Variants in PER3 observed in about 807,000 individuals in gnomAD.
The protein encoded by PER3 is period circadian regulator 3.
PER3 carries 107 observed loss-of-function variants against 127.2 expected under a neutral mutation model. The observed-to-expected ratio is 0.84, with a 90% CI of 0.72 to 0.99. PER3 has a LOEUF of 0.99. PER3 is among the 50% of genes least tolerant of loss of function. The pLI is 0.00. For synonymous variants in PER3, 618 were observed against 585.8 expected (o/e 1.05, Z -0.79); for missense variants, 1,560 against 1,525.8 (o/e 1.02, Z -0.37).
chr1:7,820,019 T>G, intron 14 of PER3, 96 bp from the exon 15 acceptor site: 1 of 1,218,822 alleles, frequency 8.2e-7, no homozygotes, highest in Non-Finnish European at 1.2e-6. Flanking sequence ...AAGTACAAAG[T>G]ATGCCAAACA....
intron 13 of PER3, among the ~76,000 whole-genome samples, chr1:7,818,856 A>T (rs976708989): frequency 1.3e-5 from 2 of 152,254 alleles, no homozygotes; most frequent in African/African-American, 4.8e-5. Context: ...CACCTGGGAG[A>T]TGCTGTGTAC....
At chr1:7,790,621 A>G (rs934727574) in intron 5 of PER3, among the ~76,000 whole-genome samples, 3 of 152,180 alleles carry the variant, frequency 2.0e-5, no homozygotes, top group African/African-American at 7.2e-5. Flanking sequence ...CAGTCCCCCA[A>G]AGTCTTAGCT....
rs2097404710 is a variant in PER3 at position 7,845,165 on chromosome 1, A to C, written c.*2410A>C. On this transcript the variant is annotated 3_prime_UTR_variant, in exon 22 of 22. Coordinates refer to ENST00000377532, the MANE Select transcript of PER3 (RefSeq NM_001377275.1). ...TAAAAACAACAAATAAACTCTGTAC[A>C]TGTAAAACGTGAGAAATTGTCCTGC... The C allele has an allele frequency of 6.6e-6, 1 of 152,376 alleles. No individual in the cohort carries two copies. 9.4% of individuals were successfully genotyped at this position (152,376 alleles called of 1,614,324 possible).
intron 7 of PER3, among the ~76,000 whole-genome samples, chr1:7,799,693 C>T (rs971267294): frequency 4.6e-5 from 7 of 151,250 alleles, no homozygotes; most frequent in African/African-American, 1.5e-4. Context: ...AAATATGGCT[C>T]ATACCACAGG....
intron 4 of PER3, chr1:7,787,501 A>T (rs548859405): frequency 2.3e-5 from 10 of 432,700 alleles, no homozygotes; most frequent in African/African-American, 8.3e-5. Context: ...GGAGATTTTT[A>T]AAAATAGCTT....
chr1:7,790,925 G>C (rs1360563132), intron 5 of PER3, among the ~76,000 whole-genome samples: 2 of 152,236 alleles, frequency 1.3e-5, no homozygotes, highest in Non-Finnish European at 2.9e-5. Context: ...TGCAAGAGGT[G>C]GGCTCCTACA....
chr1:7,827,406 G>T lies in PER3; in HGVS notation c.2477G>T (p.Gly826Val). 1.9e-6 allele frequency: 3 copies of T among 1,614,158 alleles called. No homozygotes were observed. The South Asian group carries it at 3.3e-5, about 18-fold the overall frequency. ...CCCGGAAGAGAATACGCAGCCCCCG[G>T]AACTGCACCGGAAGGCCTGCATGGG... ...TSPGREYAAP[G>V]TAPEGLHGLP... Residue 826 changes from glycine (G) to valine (V), a missense_variant, in exon 18 of 22, where the codon GGA (glycine) becomes GTA (valine). This residue lies in a region of PER3 where 1,332 missense variants were observed against 1,223.6 expected (regional missense o/e 1.09). Transcript: ENST00000377532.
Position 7,784,382 on chromosome 1 carries a change from T to TTA in PER3, c.-225+6_-225+7insTA, listed in dbSNP as rs1558365881. On this transcript the variant is annotated splice_region_variant and intron_variant, in intron 1 of 21. Transcript: ENST00000377532. The stretch of plus-strand genomic sequence containing the variant: ...GCCAAGGGCGGGGGCAGCAGGTGAG[T>TTA]GCGCGGCCGGGCGGGAGTTCTGGGC... The TTA allele has an allele frequency of 7.3e-5, 11 of 151,518 alleles. 1 individual carries two copies. The highest frequency in any genetic ancestry group is 2.0e-4 in the East Asian group (1 of 5,122). The allele number at this position is 151,518 out of a possible 1,614,324, so 9.4% of individuals were successfully genotyped here. A position where few individuals can be genotyped will look rare whatever the true frequency, so the allele number is the denominator to read the frequency against.
chr1:7,820,421 C>T (rs769720695), intron 15 of PER3, 46 bp from the exon 16 acceptor site: 5 of 1,547,686 alleles, frequency 3.2e-6, no homozygotes, highest in African/African-American at 1.4e-5. Flanking sequence ...GTAAATTTCT[C>T]GTTGGGAATT....
intron 21 of PER3, among the ~76,000 whole-genome samples, chr1:7,842,046 CG>C (rs2097392573): frequency 1.3e-5 from 2 of 152,046 alleles, no homozygotes; most frequent in Admixed American, 1.3e-4. Context: ...TACTGTAGGC[CG>C]TTGTAACACA....
intron 13 of PER3, among the ~76,000 whole-genome samples, chr1:7,817,480 C>T (rs1020636632): frequency 3.3e-5 from 5 of 152,144 alleles, no homozygotes; most frequent in South Asian, 2.1e-4. Flanking sequence ...AAACACTGTA[C>T]GCAAGTTGGT....
chr1:7,803,974 C>A, intron 10 of PER3, 126 bp downstream of exon 10: 1 of 729,780 alleles, frequency 1.4e-6, no homozygotes, highest in Non-Finnish European at 2.2e-6. Flanking sequence ...GTTTTCGGTG[C>A]TTTGGGGAGA....
chr1:7,809,076 A>G (rs2097208033), intron 11 of PER3, 78 bp downstream of exon 11: 1 of 708,630 alleles, frequency 1.4e-6, no homozygotes, highest in South Asian at 1.8e-5. Flanking sequence ...ACTTCACAAA[A>G]ATAAACTGTA....
intron 4 of PER3, among the ~76,000 whole-genome samples, 176 bp downstream of exon 4, chr1:7,787,012 C>G (rs1311794678): frequency 6.6e-6 from 1 of 152,218 alleles, no homozygotes; most frequent in Non-Finnish European, 1.5e-5. Context: ...GAGAAAACAT[C>G]TAAAAGCAGA....
chr1:7,791,060 C>T (rs896216351), intron 5 of PER3, among the ~76,000 whole-genome samples: 2 of 152,194 alleles, frequency 1.3e-5, no homozygotes, highest in Non-Finnish European at 2.9e-5. Context: ...GTGGATCTAC[C>T]ATTCTTAGGT....
intron 18 of PER3, among the ~76,000 whole-genome samples, chr1:7,829,318 A>C (rs20887): frequency 0.96 from 146,461 of 152,282 alleles, 70,452 homozygotes; most frequent in East Asian, 1. Context: ...CAATATACTC[A>C]TCACAATTTC....
chr1:7,797,995 A>G (rs1046243396), intron 6 of PER3, among the ~76,000 whole-genome samples: 1 of 152,172 alleles, frequency 6.6e-6, no homozygotes, highest in East Asian at 1.9e-4. Context: ...TTTAGCCTCA[A>G]CTTTTTCTTT....
At chr1:7,812,623 T>TCAAAAAAAAA (rs2097224552) in intron 13 of PER3, among the ~76,000 whole-genome samples, 1 of 22,810 alleles carries the variant, frequency 4.4e-5, no homozygotes, top group African/African-American at 1.5e-4. Flanking sequence ...AGACTCCGTC[T>TCAAAAAAAAA]CAAAAAAAAA....
Position 7,800,451 on chromosome 1 carries a change from G to A in PER3, c.794-662G>A, listed in dbSNP as rs572585920. Among the ~76,000 whole-genome samples, 9 of 151,856 alleles carry A rather than the reference G, an allele frequency of 5.9e-5. 1 individual carries two copies. The highest frequency in any genetic ancestry group is 2.2e-4 in the African/African-American group (9 of 41,376). ...TCAAATTCCTGACCTCAAGTGATCG[G>A]CCTCCCAAAGTGCTGGGATTACACG... On this transcript the variant is annotated intron_variant, in intron 7 of 21. Transcript: ENST00000377532.
Sources: gnomAD v4.1 joint callset for allele counts (sites outside exome capture counted in the v4.1 genomes callset) on GRCh38, gnomAD v4.1.1 for gene constraint, gnomAD v4.1.1 regional missense constraint, MANE v1.5 for transcripts, NCBI Gene and HGNC (gene_info 2026-07-23, HGNC 2026-07-21) for gene names.